Variants in AFF1 observed in about 807,000 individuals in gnomAD.
AFF1 encodes the protein AF4/FMR2 family member 1.
A neutral mutation model predicts 121.7 loss-of-function variants in AFF1; 48 were observed. That is an observed-to-expected ratio of 0.39 (90% CI 0.31 to 0.50). The LOEUF is 0.50. Ranked by LOEUF, AFF1 falls within the 20% of genes least tolerant of loss-of-function variation. The probability of loss-of-function intolerance (pLI) is 0.76; values close to 1 mark genes in which losing one functional copy is unlikely to be tolerated. For synonymous variants in AFF1, 613 were observed against 563.0 expected, an observed-to-expected ratio of 1.09 and a Z score of -1.26; for missense variants, 1,523 against 1,511.7, an observed-to-expected ratio of 1.01 and a Z score of -0.12.
chr4:86,948,845 G>A (rs1161470295), intron 2 of AFF1, among the ~76,000 whole-genome samples: 1 of 152,094 alleles, frequency 6.6e-6, no homozygotes, highest in African/African-American at 2.4e-5. Context: ...CTAATGCTGT[G>A]TTCAGGATAA....
intron 4 of AFF1, 138 bp from the exon 5 acceptor site, chr4:87,083,982 A>T: frequency 1.3e-6 from 1 of 744,194 alleles, no homozygotes; most frequent in Non-Finnish European, 2.3e-6. Context: ...CCCAGGCTTC[A>T]AATGTAAAGT....
At chr4:87,041,724 AT>A (rs1730174858) in intron 2 of AFF1, among the ~76,000 whole-genome samples, 1 of 151,876 alleles carries the variant, frequency 6.6e-6, no homozygotes, top group Admixed American at 6.6e-5. Flanking sequence ...TTGAAAGGTG[AT>A]TATTGACAGC....
intron 2 of AFF1, among the ~76,000 whole-genome samples, chr4:87,016,345 T>TC: frequency 6.6e-6 from 1 of 151,944 alleles, no homozygotes; most frequent in East Asian, 1.9e-4. Flanking sequence ...GGTCAGGAGA[T>TC]CAAGACCATC....
intron 2 of AFF1, among the ~76,000 whole-genome samples, chr4:86,957,818 A>G (rs1721851575): frequency 6.6e-6 from 1 of 152,160 alleles, no homozygotes; most frequent in Admixed American, 6.5e-5. Context: ...CTGGGATTAC[A>G]GGCGTGAGCC....
At chr4:87,073,400 T>C (rs1056237581) in intron 4 of AFF1, among the ~76,000 whole-genome samples, 1 of 151,862 alleles carries the variant, frequency 6.6e-6, no homozygotes, top group Admixed American at 6.6e-5. Context: ...GCGTTTGTTA[T>C]AGTGTCAGTA....
chr4:87,113,554 T>C (rs895901948), intron 11 of AFF1, among the ~76,000 whole-genome samples: 1 of 152,200 alleles, frequency 6.6e-6, no homozygotes, highest in Non-Finnish European at 1.5e-5. Context: ...TAGGCCTGAA[T>C]CACCGTATTG....
chr4:87,051,544 T>C (rs1158252338), intron 4 of AFF1, among the ~76,000 whole-genome samples: 1 of 151,966 alleles, frequency 6.6e-6, no homozygotes. Context: ...CACTGCAACC[T>C]CCACCTCCCG....
chr4:86,975,900 C>G (rs1405708901), intron 2 of AFF1, among the ~76,000 whole-genome samples: 2 of 152,016 alleles, frequency 1.3e-5, no homozygotes, highest in Non-Finnish European at 2.9e-5. Context: ...GCATGAAGAT[C>G]AATTTTAGAT....
chr4:86,950,383 T>C (rs547520519), intron 2 of AFF1, among the ~76,000 whole-genome samples: 5 of 152,296 alleles, frequency 3.3e-5, no homozygotes, highest in African/African-American at 1.2e-4. Context: ...GTTGGCAGGC[T>C]GGCCCCGAAT....
At chr4:87,113,568 G>A (rs149585687) in intron 11 of AFF1, among the ~76,000 whole-genome samples, 240 of 152,244 alleles carry the variant, frequency 1.6e-3, no homozygotes, top group African/African-American at 5.5e-3. Flanking sequence ...CGTATTGGTC[G>A]AATGTTTGAC....
In AFF1 at chr4:86,961,932, C is replaced by T. The variant is rs1007334828; in HGVS notation, c.38+13361C>T. Among the ~76,000 whole-genome samples the T allele has an allele frequency of 2.6e-5, 4 of 152,168 alleles. 1 individual carries two copies. The highest frequency in any genetic ancestry group is 1.9e-4 in the East Asian group (1 of 5,184). On this transcript the variant is annotated intron_variant, in intron 2 of 20. Coordinates refer to ENST00000395146, the MANE Select transcript of AFF1 (RefSeq NM_001166693.3). ...TGTCCCCCGCAGAGCACTTGGTAAA[C>T]GAGATATGAAATTGTCCTTTAAGAA...
intron 10 of AFF1, 22 bp downstream of exon 10, chr4:87,105,867 A>G: frequency 6.2e-7 from 1 of 1,613,666 alleles, no homozygotes; most frequent in South Asian, 1.1e-5. Context: ...GTTTCTCCCC[A>G]TCTGTACAGA....
At chr4:87,002,425 G>GTTTTT (rs3035506) in intron 2 of AFF1, among the ~76,000 whole-genome samples, 18 of 68,164 alleles carry the variant, frequency 2.6e-4, no homozygotes, top group Admixed American at 4.1e-4. Flanking sequence ...GGGCAATGAA[G>GTTTTT]TTTTTTTTTT....
intron 2 of AFF1, among the ~76,000 whole-genome samples, chr4:86,981,762 A>G (rs1185889691): frequency 1.3e-5 from 2 of 152,248 alleles, no homozygotes; most frequent in African/African-American, 2.4e-5. Flanking sequence ...CATAAAGCAC[A>G]AAGTTTGCTT....
chr4:86,998,224 A>G (rs1037903587), intron 2 of AFF1, among the ~76,000 whole-genome samples: 6 of 152,002 alleles, frequency 3.9e-5, no homozygotes, highest in African/African-American at 1.4e-4. Flanking sequence ...AGAAGTTTCT[A>G]ATCCTCATCA....
chr4:87,013,409 G>A (rs1003665099), intron 2 of AFF1, among the ~76,000 whole-genome samples: 28 of 150,904 alleles, frequency 1.9e-4, no homozygotes, highest in African/African-American at 5.7e-4. Context: ...TATATTAAGA[G>A]AAAATCCCAG....
rs372517821 is a variant in AFF1, at chr4:87,047,170, C to G, written c.635C>G (p.Pro212Arg). The change falls in exon 4 of 21, where the codon CCT becomes CGT. Residue 212 changes from proline (P) to arginine (R), a missense_variant. Pro to Arg is a moderately radical substitution (Grantham distance 103, BLOSUM62 -2). Coordinates refer to ENST00000395146, the MANE Select transcript of AFF1 (RefSeq NM_001166693.3). The part of the protein sequence containing the change: ...ERELSPLISL[P>R]SPVPPLSPIH... ...GAGCTTTCTCCCTTAATCTCTTTGC[C>G]TTCCCCAGTTCCCCCTTTGTCACCT... The G allele has an allele frequency of 1.9e-5, 31 of 1,614,070 alleles. No homozygotes were observed. Among genetic ancestry groups the G allele is most frequent in the Non-Finnish European group, 2.5e-5 (29 of 1,180,040 alleles).
At chr4:87,051,126 C>T (rs1277521005) in intron 4 of AFF1, among the ~76,000 whole-genome samples, 1 of 152,218 alleles carries the variant, frequency 6.6e-6, no homozygotes, top group Non-Finnish European at 1.5e-5. Context: ...AAGCTAAAGA[C>T]AGCTCTTTCA....
At chr4:87,014,870 G>T (rs1727146912) in intron 2 of AFF1, among the ~76,000 whole-genome samples, 1 of 152,124 alleles carries the variant, frequency 6.6e-6, no homozygotes. Flanking sequence ...AAATTAATTA[G>T]TTCTCATTGT....
Sources: allele counts gnomAD v4.1 joint callset (sites outside exome capture counted in the v4.1 genomes callset), GRCh38; gene constraint gnomAD v4.1.1; transcripts MANE v1.5; gene names NCBI Gene and HGNC (gene_info 2026-07-23, HGNC 2026-07-21).